Variants in ZNF700 observed in about 807,000 individuals in gnomAD.
ZNF700 encodes zinc finger protein 700.
Under a neutral mutation model 65.3 loss-of-function variants are expected in ZNF700, and 38 were observed. The observed-to-expected ratio is 0.58, with a 90% CI of 0.45 to 0.76. ZNF700 has a LOEUF of 0.76. ZNF700 is among the 30% of genes least tolerant of loss of function. ZNF700 has a pLI of 0.00. For missense variants in ZNF700, 857 were observed against 888.4 expected (o/e 0.96, Z 0.45); for synonymous variants, 285 against 290.4 (o/e 0.98, Z 0.19).
Position 11,948,951 on chromosome 19 carries a change from A to C in ZNF700, c.927A>C (p.Lys309Asn). The C allele has an allele frequency of 6.2e-7, 1 of 1,608,354 alleles. No individual in the cohort carries two copies. The highest frequency in any genetic ancestry group is 8.5e-7 in the Non-Finnish European group (1 of 1,178,774). The change falls in exon 4 of 4, where the codon AAA becomes AAC. Residue 309 changes from lysine (K) to asparagine (N), a missense_variant. Coordinates refer to ENST00000254321, the MANE Select transcript of ZNF700 (RefSeq NM_144566.3). Reference sequence around the variant, plus strand: ...TGGGAGAGAAGCCTTATCAATGCAAAGAATGTGGAAAAGCATTTGCATATA... The same window carrying C: ...TGGGAGAGAAGCCTTATCAATGCAACGAATGTGGAAAAGCATTTGCATATA... The part of the protein sequence containing the change: ...SHMGEKPYQC[K>N]ECGKAFAYTS...
In ZNF700 at chr19:11,934,914, C is replaced by T. The variant is rs552078560; in HGVS notation, c.63+9641C>T. ...TACAGTCTTTGGTCGGGTGCGGTGGCTCACGCCTGTAATCCCAGCACTTTG... is the reference window on the plus strand; with the variant it reads ...TACAGTCTTTGGTCGGGTGCGGTGGTTCACGCCTGTAATCCCAGCACTTTG... On this transcript the variant is annotated intron_variant, in intron 1 of 3. Transcript: ENST00000254321. Among the ~76,000 whole-genome samples the T allele has an allele frequency of 2.7e-4, 40 of 147,652 alleles. 3 individuals carry two copies. The South Asian group carries it at 6.9e-3, about 26-fold the overall frequency.
intron 1 of ZNF700, chr19:11,940,042 C>T (rs1443119911): frequency 6.6e-6 from 1 of 151,828 alleles, no homozygotes; most frequent in African/African-American, 2.4e-5. Context: ...AGCAATTCTC[C>T]TGTCTCAGCC....
chr19:11,944,373 C>G lies in ZNF700; in HGVS notation c.64-2808C>G, dbSNP rs977866871. Among the ~76,000 whole-genome samples the G allele has an allele frequency of 3.3e-5, 5 of 152,190 alleles. No individual in the cohort carries two copies. The South Asian group carries it at 8.3e-4, about 25-fold the overall frequency. ...CACTTTAATCCTGTTTCTTGACACACTTTCCCTAAACTATTTTTGATAGTC... is the reference window on the plus strand; with the variant it reads ...CACTTTAATCCTGTTTCTTGACACAGTTTCCCTAAACTATTTTTGATAGTC... On this transcript the variant is annotated intron_variant, in intron 1 of 3. Transcript: ENST00000254321.
chr19:11,939,905 A>C (rs1046930933), intron 1 of ZNF700: 2 of 152,026 alleles, frequency 1.3e-5, no homozygotes, highest in Non-Finnish European at 2.9e-5. Flanking sequence ...GCTTATTGCA[A>C]TTATCCTGAG....
intron 1 of ZNF700, among the ~76,000 whole-genome samples, chr19:11,925,888 G>A (rs1195895229): frequency 6.6e-6 from 1 of 152,194 alleles, no homozygotes; most frequent in Non-Finnish European, 1.5e-5. Context: ...GCTCAAGACA[G>A]TTTGGTTTTA....
chr19:11,938,929 G>T (rs1190120651), intron 1 of ZNF700, among the ~76,000 whole-genome samples: 2 of 152,162 alleles, frequency 1.3e-5, no homozygotes, highest in Non-Finnish European at 2.9e-5. Context: ...TAACTGGTGT[G>T]AGATGGTATC....
At chr19:11,929,872 C>CTTTTA (rs1205562810) in intron 1 of ZNF700, among the ~76,000 whole-genome samples, 3 of 148,436 alleles carry the variant, frequency 2.0e-5, no homozygotes, top group Non-Finnish European at 2.9e-5. Flanking sequence ...TCTGCCTCTC[C>CTTTTA]TCCTTTTATC....
chr19:11,945,718 C>T (rs1449187929), intron 1 of ZNF700, among the ~76,000 whole-genome samples: 1 of 152,008 alleles, frequency 6.6e-6, no homozygotes, highest in Non-Finnish European at 1.5e-5. Flanking sequence ...CATTCCTCCT[C>T]CTGGGGGACA....
chr19:11,934,281 G>A (rs1972757314), intron 1 of ZNF700, among the ~76,000 whole-genome samples: 1 of 148,022 alleles, frequency 6.8e-6, no homozygotes, highest in South Asian at 2.1e-4. Context: ...GTGGACATCA[G>A]TTTTCAGTTC....
At chr19:11,929,301 T>C (rs1972680535) in intron 1 of ZNF700, among the ~76,000 whole-genome samples, 1 of 148,070 alleles carries the variant, frequency 6.8e-6, no homozygotes, top group Non-Finnish European at 1.5e-5. Flanking sequence ...GTAGTTGGGA[T>C]TACAGACATG....
intron 1 of ZNF700, among the ~76,000 whole-genome samples, chr19:11,928,480 C>T (rs1972665606): frequency 6.7e-6 from 1 of 149,808 alleles, no homozygotes; most frequent in South Asian, 2.1e-4. Flanking sequence ...CGCCTGTAAT[C>T]CCAGCACTTT....
At position 11,933,054 on chromosome 19, in the gene ZNF700, C is replaced by T. The variant is rs192267136; in HGVS notation, c.63+7781C>T. On this transcript the variant is annotated intron_variant, in intron 1 of 3. Coordinates refer to ENST00000254321, the MANE Select transcript of ZNF700 (RefSeq NM_144566.3). Reference sequence around the variant, plus strand: ...TATTATTTAGAACAGTGGTTGTTTACCCAAAACATTGAGCAGATAATCCAG... The same window carrying T: ...TATTATTTAGAACAGTGGTTGTTTATCCAAAACATTGAGCAGATAATCCAG... 1.5e-3 allele frequency among the ~76,000 whole-genome samples: 226 copies of T among 148,230 alleles called. 7 individuals are homozygous for T. The highest frequency in any genetic ancestry group is 2.3e-3 in the Non-Finnish European group (157 of 67,874).
In ZNF700 at chr19:11,949,552, TGTA is replaced by T; in HGVS notation, c.1532_1534del (p.Ser511del). 1 of 1,610,700 alleles carries T rather than the reference TGTA, an allele frequency of 6.2e-7. No homozygotes were observed. The highest frequency in any genetic ancestry group is 1.3e-5 in the African/African-American group (1 of 74,306). On this transcript the variant is annotated inframe_deletion, in exon 4 of 4. Coordinates refer to ENST00000254321, the MANE Select transcript of ZNF700 (RefSeq NM_144566.3). ...GCCCTCTGGAGAAAGACCTTATAAATGTAGTATATGTGAGAAAGGCTTTTATTC... is the reference window on the plus strand; with the variant it reads ...GCCCTCTGGAGAAAGACCTTATAAATGTATATGTGAGAAAGGCTTTTATTC...
At chr19:11,925,937 A>G (rs534526100) in intron 1 of ZNF700, among the ~76,000 whole-genome samples, 3 of 152,292 alleles carry the variant, frequency 2.0e-5, no homozygotes, top group South Asian at 2.1e-4. Context: ...GAAAATGATG[A>G]ATCAGTGCCT....
chr19:11,941,945 A>G (rs1172077293), intron 1 of ZNF700, among the ~76,000 whole-genome samples: 2 of 150,180 alleles, frequency 1.3e-5, no homozygotes, highest in South Asian at 2.1e-4. Flanking sequence ...CTGCCACCCC[A>G]GGAAGGTTGT....
At chr19:11,947,045 GAA>G in intron 1 of ZNF700, 134 bp from the exon 2 acceptor site, 1 of 1,386,726 alleles carries the variant, frequency 7.2e-7, no homozygotes, top group African/African-American at 1.5e-5. Flanking sequence ...TAGATGGAGA[GAA>G]AGGGATCTGA....
chr19:11,939,460 C>T (rs1305794691), intron 1 of ZNF700, among the ~76,000 whole-genome samples: 1 of 152,186 alleles, frequency 6.6e-6, no homozygotes, highest in South Asian at 2.1e-4. Flanking sequence ...CCAGTTCTCC[C>T]AGCACCATTT....
intron 1 of ZNF700, among the ~76,000 whole-genome samples, chr19:11,938,982 A>G (rs574489021): frequency 1.5e-4 from 23 of 152,268 alleles, no homozygotes; most frequent in African/African-American, 5.1e-4. Context: ...GCCAGTGATG[A>G]TGAGCATTTT....
Position 11,948,307 on chromosome 19 carries a change from AAAG to A in ZNF700, c.288_290del (p.Glu96del). 6.2e-7 allele frequency: 1 copy of A among 1,613,510 alleles called. No homozygotes were observed. The highest frequency in any genetic ancestry group is 8.5e-7 in the Non-Finnish European group (1 of 1,179,770). ...CATAGAAGAGAAAGTCAATGAAATTAAAGAAGACAGTCATTGTGGAGAAACTTT... is the reference window on the plus strand; with the variant it reads ...CATAGAAGAGAAAGTCAATGAAATTAAAGACAGTCATTGTGGAGAAACTTT... On this transcript the variant is annotated inframe_deletion, in exon 4 of 4. Coordinates refer to ENST00000254321, the MANE Select transcript of ZNF700 (RefSeq NM_144566.3).
Sources: gnomAD v4.1 joint callset for allele counts (sites outside exome capture counted in the v4.1 genomes callset) on GRCh38, gnomAD v4.1.1 for gene constraint, MANE v1.5 for transcripts, NCBI Gene and HGNC (gene_info 2026-07-23, HGNC 2026-07-21) for gene names.